Variants in PPP2R5E observed in about 807,000 individuals in gnomAD.
The protein encoded by PPP2R5E is serine/threonine-protein phosphatase 2A 56 kDa regulatory subunit epsilon isoform.
Under a neutral mutation model 65.3 loss-of-function variants are expected in PPP2R5E, and 4 were observed. The ratio of observed to expected loss-of-function variants is 0.06; its 90% CI spans 0.03 to 0.14. The LOEUF is 0.14. PPP2R5E is among the 10% of genes least tolerant of loss of function. The pLI is 1.00. For missense variants in PPP2R5E, 274 were observed against 556.1 expected (o/e 0.49, Z 5.10); for synonymous variants, 183 against 187.4 (o/e 0.98, Z 0.19).
Position 63,539,450 on chromosome 14 carries a change from A to C in PPP2R5E, c.157+79T>G, listed in dbSNP as rs181363351. The C allele has an allele frequency of 1.1e-3, 1,546 of 1,465,686 alleles. 4 individuals are homozygous for C. The highest frequency in any genetic ancestry group is 6.8e-3 in the South Asian group (499 of 73,344). The allele number at this position is 1,465,686 out of a possible 1,614,324, so 90.8% of individuals were successfully genotyped here. A position where few individuals can be genotyped will look rare whatever the true frequency, so the allele number is the denominator to read the frequency against. ...TCCCTTCAATTTGCAACACATATAA[A>C]ACTCTACAAAAAGGAAATTATATAT... On this transcript the variant is annotated intron_variant, in intron 2 of 13. Coordinates refer to ENST00000337537, the MANE Select transcript of PPP2R5E (RefSeq NM_006246.5).
intron 3 of PPP2R5E, among the ~76,000 whole-genome samples, chr14:63,445,922 T>C (rs1437376818): frequency 2.0e-5 from 3 of 152,200 alleles, no homozygotes; most frequent in Admixed American, 6.5e-5. Context: ...TAGCATGTGA[T>C]GCTGTCTGAT....
At chr14:63,469,265 T>A (rs1298139893) in intron 2 of PPP2R5E, among the ~76,000 whole-genome samples, 1 of 152,148 alleles carries the variant, frequency 6.6e-6, no homozygotes, top group Non-Finnish European at 1.5e-5. Flanking sequence ...TAAAACATTT[T>A]ACATTACAAA....
chr14:63,506,936 A>G (rs1892212191), intron 2 of PPP2R5E, among the ~76,000 whole-genome samples: 2 of 152,250 alleles, frequency 1.3e-5, no homozygotes, highest in African/African-American at 4.8e-5. Context: ...AATGTGGCAC[A>G]ATGGAATATT....
intron 2 of PPP2R5E, among the ~76,000 whole-genome samples, chr14:63,481,499 A>C (rs2180877): frequency 4.0e-5 from 3 of 74,600 alleles, no homozygotes; most frequent in Non-Finnish European, 7.0e-5. Flanking sequence ...CCATCTCAAA[A>C]AAAAAAAAAA....
At chr14:63,492,289 T>A (rs1891320714) in intron 2 of PPP2R5E, among the ~76,000 whole-genome samples, 1 of 152,246 alleles carries the variant, frequency 6.6e-6, no homozygotes, top group Middle Eastern at 3.4e-3. Context: ...TCCTTTTTAT[T>A]CAAAAGGAGA....
At chr14:63,436,481 A>G (rs1370127335) in intron 3 of PPP2R5E, among the ~76,000 whole-genome samples, 2 of 152,208 alleles carry the variant, frequency 1.3e-5, no homozygotes, top group African/African-American at 2.4e-5. Flanking sequence ...TGTGTCTGTG[A>G]CCTTTCATTA....
intron 3 of PPP2R5E, chr14:63,452,756 T>C (rs1040156206): frequency 1.2e-4 from 19 of 152,226 alleles, no homozygotes; most frequent in African/African-American, 4.6e-4. Flanking sequence ...TTTTTAAACA[T>C]ATCTACTCCA....
chr14:63,478,185 C>T (rs887000096), intron 2 of PPP2R5E, among the ~76,000 whole-genome samples: 4 of 152,130 alleles, frequency 2.6e-5, no homozygotes, highest in East Asian at 1.9e-4. Flanking sequence ...TGGGACACAT[C>T]GAATGACAAC....
At chr14:63,471,366 T>TAATG (rs1324454861) in intron 2 of PPP2R5E, among the ~76,000 whole-genome samples, 1 of 152,212 alleles carries the variant, frequency 6.6e-6, no homozygotes, top group Non-Finnish European at 1.5e-5. Context: ...ACTTGTTAAT[T>TAATG]AATGAATGAA....
rs143313465 is a variant in PPP2R5E, at chr14:63,466,437, A to G, written c.158-12552T>C. Among the ~76,000 whole-genome samples the G allele has an allele frequency of 2.0e-5, 3 of 152,300 alleles. No homozygotes were observed. The East Asian group carries it at 5.8e-4, about 29-fold the overall frequency. On this transcript the variant is annotated intron_variant, in intron 2 of 13. Coordinates refer to ENST00000337537, the MANE Select transcript of PPP2R5E (RefSeq NM_006246.5). ...TAGCTTCTAATCCCAAGAGTAATAA[A>G]GAGTGTAAATTTATAATTAAAGTCA...
At chr14:63,485,422 G>C (rs1286136678) in intron 2 of PPP2R5E, among the ~76,000 whole-genome samples, 1 of 151,992 alleles carries the variant, frequency 6.6e-6, no homozygotes, top group Non-Finnish European at 1.5e-5. Context: ...GTTTTTTGGG[G>C]GGTTTTTTTG....
At chr14:63,511,315 T>C (rs370921026) in intron 2 of PPP2R5E, among the ~76,000 whole-genome samples, 4 of 152,224 alleles carry the variant, frequency 2.6e-5, no homozygotes, top group Admixed American at 6.5e-5. Context: ...CAAGCCACCA[T>C]GTGGAGAAGC....
intron 3 of PPP2R5E, chr14:63,452,043 T>G (rs142265508): frequency 6.6e-6 from 1 of 152,224 alleles, no homozygotes; most frequent in East Asian, 1.9e-4. Flanking sequence ...CAACTTTATA[T>G]GTACTGAAAT....
At chr14:63,428,037 T>A (rs1363782579) in intron 3 of PPP2R5E, among the ~76,000 whole-genome samples, 1 of 152,114 alleles carries the variant, frequency 6.6e-6, no homozygotes, top group Non-Finnish European at 1.5e-5. Context: ...CATTTTCTCA[T>A]CTCTCCTTTC....
At chr14:63,405,607 T>C (rs369710871) in intron 5 of PPP2R5E, among the ~76,000 whole-genome samples, 14 of 152,364 alleles carry the variant, frequency 9.2e-5, no homozygotes, top group African/African-American at 3.4e-4. Flanking sequence ...AACCACTGAC[T>C]GTTTTTCAGA....
Position 63,373,378 on chromosome 14 carries a change from A to G in PPP2R5E, c.*2631T>C, listed in dbSNP as rs1594800029. 6.6e-6 allele frequency: 1 copy of G among 152,360 alleles called. No homozygotes were observed. The highest frequency in any genetic ancestry group is 1.5e-5 in the Non-Finnish European group (1 of 68,032). 9.4% of individuals were successfully genotyped at this position (152,360 alleles called of 1,614,324 possible). A position where few individuals can be genotyped will look rare whatever the true frequency, so the allele number is the denominator to read the frequency against. On this transcript the variant is annotated 3_prime_UTR_variant, in exon 14 of 14. Coordinates refer to ENST00000337537, the MANE Select transcript of PPP2R5E (RefSeq NM_006246.5). Reference sequence around the variant, plus strand: ...CAGAATTGTGGGAAGGGACAGAGAGAGAGGGCTGCTGCAAATGCAGCAAGT... The same window carrying G: ...CAGAATTGTGGGAAGGGACAGAGAGGGAGGGCTGCTGCAAATGCAGCAAGT...
intron 5 of PPP2R5E, among the ~76,000 whole-genome samples, chr14:63,406,704 G>A (rs933202147): frequency 3.9e-5 from 6 of 152,098 alleles, no homozygotes; most frequent in Non-Finnish European, 7.3e-5. Context: ...TAAATTATAC[G>A]TTCCTGGCAC....
At chr14:63,391,513 T>C (rs1222235381) in intron 10 of PPP2R5E, among the ~76,000 whole-genome samples, 1 of 152,166 alleles carries the variant, frequency 6.6e-6, no homozygotes, top group Non-Finnish European at 1.5e-5. Context: ...AACTTCTGCC[T>C]CCCGGGTTCA....
chr14:63,433,022 GTTTT>G (rs1027076850), intron 3 of PPP2R5E, among the ~76,000 whole-genome samples: 2 of 117,626 alleles, frequency 1.7e-5, no homozygotes, highest in Non-Finnish European at 3.5e-5. Flanking sequence ...TTTGTTTTTT[GTTTT>G]GTTTTGTTTT....
Sources: gnomAD v4.1 joint callset for allele counts (sites outside exome capture counted in the v4.1 genomes callset) on GRCh38, gnomAD v4.1.1 for gene constraint, MANE v1.5 for transcripts, NCBI Gene and HGNC (gene_info 2026-07-23, HGNC 2026-07-21) for gene names.